The following RPIA variants were observed in gnomAD, a reference collection of about 807,000 sequenced individuals.
RPIA encodes ribose-5-phosphate isomerase.
In RPIA, 29 loss-of-function variants were observed where a neutral mutation model predicts 37.8. That is an observed-to-expected ratio of 0.77 (90% CI 0.57 to 1.05). The LOEUF (loss-of-function observed/expected upper bound fraction) is 1.05. Among genes scored for constraint, RPIA ranks in the 50% least tolerant of loss-of-function variants. The pLI, the probability that RPIA is intolerant of heterozygous loss-of-function variation, is 0.00. For synonymous variants in RPIA, 167 were observed against 157.0 expected, an observed-to-expected ratio of 1.06 and a Z score of -0.48; for missense variants, 385 against 413.6, an observed-to-expected ratio of 0.93 and a Z score of 0.60.
At chr2:88,720,234 A>T (rs1673102685) in intron 3 of RPIA, among the ~76,000 whole-genome samples, 1 of 145,368 alleles carries the variant, frequency 6.9e-6, no homozygotes, top group African/African-American at 2.5e-5. Context: ...ACCTTAATTT[A>T]AAAAAAAATT....
At chr2:88,734,690 A>C in intron 5 of RPIA, 74 bp downstream of exon 5, 2 of 1,478,576 alleles carry the variant, frequency 1.4e-6, no homozygotes, top group Non-Finnish European at 1.9e-6. Flanking sequence ...TGGATACAGA[A>C]TAAACAAATT....
chr2:88,725,996 A>T (rs1673192579), intron 3 of RPIA, among the ~76,000 whole-genome samples: 1 of 152,102 alleles, frequency 6.6e-6, no homozygotes, highest in African/African-American at 2.4e-5. Context: ...TCGTGTTGTG[A>T]ATTGGGGCAC....
intron 3 of RPIA, among the ~76,000 whole-genome samples, chr2:88,721,070 A>G (rs1015661440): frequency 3.9e-5 from 6 of 152,184 alleles, no homozygotes; most frequent in Non-Finnish European, 8.8e-5. Context: ...TTGCAGGGAC[A>G]TGGATGAAGC....
intron 3 of RPIA, among the ~76,000 whole-genome samples, chr2:88,720,437 A>G (rs1297165746): frequency 2.0e-5 from 3 of 152,072 alleles, no homozygotes; most frequent in Non-Finnish European, 2.9e-5. Flanking sequence ...GCCACAACAA[A>G]TGGAACTTGA....
chr2:88,747,952 C>G (rs116023565), intron 8 of RPIA, among the ~76,000 whole-genome samples: 239 of 152,342 alleles, frequency 1.6e-3, no homozygotes, highest in African/African-American at 5.5e-3. Context: ...ACTGTTCTGT[C>G]TGTCCAAGTG....
chr2:88,722,159 A>T (rs2104113182), intron 3 of RPIA, among the ~76,000 whole-genome samples: 1 of 149,420 alleles, frequency 6.7e-6, no homozygotes, highest in African/African-American at 2.6e-5. Flanking sequence ...TTCACCAAAA[A>T]AACCCTTTTT....
chr2:88,709,291 A>G (rs1311918455), intron 3 of RPIA, among the ~76,000 whole-genome samples: 1 of 152,254 alleles, frequency 6.6e-6, no homozygotes, highest in Non-Finnish European at 1.5e-5. Flanking sequence ...CTGCAAGGAA[A>G]TGTTTCAACT....
At chr2:88,708,939 G>T (rs1672929341) in intron 3 of RPIA, among the ~76,000 whole-genome samples, 2 of 152,158 alleles carry the variant, frequency 1.3e-5, no homozygotes, top group South Asian at 4.1e-4. Context: ...TGTATATTTA[G>T]TAGAGACGGG....
chr2:88,713,859 T>C (rs997389392), intron 3 of RPIA, among the ~76,000 whole-genome samples: 4 of 152,266 alleles, frequency 2.6e-5, no homozygotes, highest in African/African-American at 9.6e-5. Context: ...CTCTTTTTTG[T>C]TTGTTTTCTG....
intron 3 of RPIA, among the ~76,000 whole-genome samples, chr2:88,714,403 C>T (rs1673007957): frequency 6.6e-6 from 1 of 152,126 alleles, no homozygotes; most frequent in Admixed American, 6.5e-5. Flanking sequence ...AACTCCTGGC[C>T]TCAAGTGATC....
chr2:88,705,993 A>AAAGTGCAATGAGATAC (rs1248001252), intron 3 of RPIA, among the ~76,000 whole-genome samples: 2 of 152,352 alleles, frequency 1.3e-5, no homozygotes, highest in East Asian at 3.9e-4. Context: ...ATGCAAATCA[A>AAAGTGCAATGAGATAC]AAGTGCAATG....
intron 8 of RPIA, 76 bp from the exon 9 acceptor site, chr2:88,749,905 G>T: frequency 1.0e-6 from 1 of 979,704 alleles, no homozygotes; most frequent in Non-Finnish European, 1.6e-6. Flanking sequence ...GTTGCTTCTA[G>T]TGACCCTGCA....
At chr2:88,712,955 G>A (rs1055743876) in intron 3 of RPIA, among the ~76,000 whole-genome samples, 12 of 150,670 alleles carry the variant, frequency 8.0e-5, no homozygotes, top group African/African-American at 2.4e-4. Flanking sequence ...TGCAACCTCC[G>A]CCTCCCGTGT....
Position 88,750,248 on chromosome 2 carries a change from T to G in RPIA, c.*170T>G, listed in dbSNP as rs558073148. The stretch of plus-strand genomic sequence containing the variant: ...AATCCAGTCTTATGAAGTATTGTTA[T>G]TAAATGTCTTTTTAAAAAGAGAAAT... On this transcript the variant is annotated 3_prime_UTR_variant, in exon 9 of 9. Transcript: ENST00000283646. The G allele has an allele frequency of 3.0e-5, 16 of 533,228 alleles. No homozygotes were observed. The East Asian group carries it at 4.7e-4, about 16-fold the overall frequency. 33.0% of individuals were successfully genotyped at this position (533,228 alleles called of 1,614,324 possible).
chr2:88,699,232 A>T (rs1672799925), intron 2 of RPIA, among the ~76,000 whole-genome samples: 1 of 152,194 alleles, frequency 6.6e-6, no homozygotes, highest in Admixed American at 6.5e-5. Flanking sequence ...TCACTGGCCA[A>T]ATAGGAGCTT....
At chr2:88,722,198 T>G (rs1413571708) in intron 3 of RPIA, among the ~76,000 whole-genome samples, 4 of 152,094 alleles carry the variant, frequency 2.6e-5, no homozygotes, top group African/African-American at 9.7e-5. Context: ...ATCTCTCTTA[T>G]TTTGTGGTTC....
intron 3 of RPIA, among the ~76,000 whole-genome samples, chr2:88,720,333 A>G (rs1012639458): frequency 2.6e-5 from 4 of 152,214 alleles, no homozygotes; most frequent in Non-Finnish European, 4.4e-5. Context: ...CCAGTTACCA[A>G]AAGGCAAAAG....
rs570654285 is a variant in RPIA, at chr2:88,746,928, G to C, written c.839-3053G>C. ...TGCTTTCAAGAAAGCATCAGCTGTA[G>C]TAGTATAGGGGGGATACAAGCTTGT... On this transcript the variant is annotated intron_variant, in intron 8 of 8. Coordinates refer to ENST00000283646, the MANE Select transcript of RPIA (RefSeq NM_144563.3). 2.0e-5 allele frequency among the ~76,000 whole-genome samples: 3 copies of C among 152,186 alleles called. 1 individual carries two copies. The highest frequency in any genetic ancestry group is 4.4e-5 in the Non-Finnish European group (3 of 68,038).
intron 8 of RPIA, 76 bp downstream of exon 8, chr2:88,738,152 G>A: frequency 9.7e-7 from 1 of 1,034,018 alleles, no homozygotes; most frequent in African/African-American, 1.6e-5. Context: ...GGCCACAGAA[G>A]GCACAATGGA....
Sources: allele counts gnomAD v4.1 joint callset (sites outside exome capture counted in the v4.1 genomes callset), GRCh38; gene constraint gnomAD v4.1.1; transcripts MANE v1.5; gene names NCBI Gene and HGNC (gene_info 2026-07-23, HGNC 2026-07-21).